PCDHGB7: variants seen among roughly 807,000 people sequenced by gnomAD.
PCDHGB7 encodes the protein protocadherin gamma-B7.
PCDHGB7 carries 37 observed loss-of-function variants against 61.4 expected under a neutral mutation model. That is an observed-to-expected ratio of 0.60 (90% CI 0.46 to 0.79). The LOEUF is 0.79. Among genes scored for constraint, PCDHGB7 ranks in the 30% least tolerant of loss-of-function variants. PCDHGB7 has a pLI of 0.00. For synonymous variants in PCDHGB7, 464 were observed against 503.5 expected (o/e 0.92, Z 1.05); for missense variants, 1,166 against 1,202.5 (o/e 0.97, Z 0.45).
rs142590218 is a variant in PCDHGB7, at chr5:141,489,982, C to T, written c.2416-4825C>T. On this transcript the variant is annotated intron_variant, in intron 1 of 3. Coordinates refer to ENST00000398594, the MANE Select transcript of PCDHGB7 (RefSeq NM_018927.4). This position sits in a 1 kb window ranked among gnomAD's most constrained non-coding sequence, Gnocchi z 4.5. ...TCCAACCTTCCAATCCTCAGTTCTA[C>T]GTGTGGGAATCCCAGAGAATGCACC... The T allele has an allele frequency of 2.9e-5, 47 of 1,614,010 alleles. No individual in the cohort carries two copies. The highest frequency in any genetic ancestry group is 3.7e-5 in the Non-Finnish European group (44 of 1,179,964).
intron 2 of PCDHGB7, among the ~76,000 whole-genome samples, chr5:141,496,631 G>A (rs1434126210): frequency 6.6e-6 from 1 of 152,164 alleles, no homozygotes; most frequent in Admixed American, 6.5e-5. Context: ...CAAAAGGCTT[G>A]GGCTGCCCTT....
intron 1 of PCDHGB7, among the ~76,000 whole-genome samples, chr5:141,474,082 CA>C (rs1449032579): frequency 1.3e-5 from 2 of 151,946 alleles, no homozygotes; most frequent in Non-Finnish European, 2.9e-5. Flanking sequence ...AAACAAAAAC[CA>C]AAAAACAAAC....
At chr5:141,481,356 T>A (rs1214829594) in intron 1 of PCDHGB7, among the ~76,000 whole-genome samples, 1 of 152,260 alleles carries the variant, frequency 6.6e-6, no homozygotes, top group East Asian at 1.9e-4. Context: ...CATCTACAGC[T>A]GTTCAATAGA....
In PCDHGB7 at chr5:141,427,967, G is replaced by A. The variant is rs535332244; in HGVS notation, c.2415+7693G>A. On this transcript the variant is annotated intron_variant, in intron 1 of 3. Coordinates refer to ENST00000398594, the MANE Select transcript of PCDHGB7 (RefSeq NM_018927.4). The stretch of plus-strand genomic sequence containing the variant: ...TCAATGACAATGTGCCGCGGGTGCT[G>A]TACCCCGCGCTGGGGCCCGATGGCT... 10 of 1,591,190 alleles carry A rather than the reference G, an allele frequency of 6.3e-6. No individual in the cohort carries two copies. In the East Asian group the frequency reaches 8.9e-5, roughly 14 times the overall value.
At chr5:141,507,558 G>A (rs573728108) in intron 3 of PCDHGB7, among the ~76,000 whole-genome samples, 57 of 152,346 alleles carry the variant, frequency 3.7e-4, no homozygotes, top group African/African-American at 1.3e-3. Context: ...AGTGGCAGGC[G>A]GCTGGGTCTG....
At position 141,489,380 on chromosome 5, in the gene PCDHGB7, A is replaced by G. The variant is rs753226956; in HGVS notation, c.2416-5427A>G. ...TCTGAGCCGGGGACGCTGGTGGGGA[A>G]TGTTGCTCAGGATCTGGGCTTAAAG... is the stretch of plus-strand genomic sequence containing the variant. On this transcript the variant is annotated intron_variant, in intron 1 of 3. Transcript: ENST00000398594. The surrounding 1 kb of genome is among the most constrained non-coding windows in gnomAD (Gnocchi z 4.5). The G allele has an allele frequency of 1.9e-6, 3 of 1,613,874 alleles. No individual in the cohort carries two copies. Among genetic ancestry groups the G allele is most frequent in the Admixed American group, 1.7e-5 (1 of 60,026 alleles).
rs146372628 is a variant in PCDHGB7, at chr5:141,476,246, G to A, written c.2416-18561G>A. On this transcript the variant is annotated intron_variant, in intron 1 of 3. Coordinates refer to ENST00000398594, the MANE Select transcript of PCDHGB7 (RefSeq NM_018927.4). The surrounding 1 kb of genome is among the most constrained non-coding windows in gnomAD (Gnocchi z 7.6). ...TGAGATCCCGGAGGAAAGAGAGAAG[G>A]GTTTCGCTGTGGGCAACGTGGTCGC... 1.0e-3 allele frequency: 1,689 copies of A among 1,613,996 alleles called. 1 individual carries two copies. Among genetic ancestry groups the A allele is most frequent in the Non-Finnish European group, 1.3e-3 (1,557 of 1,180,008 alleles).
chr5:141,433,305 C>T, intron 1 of PCDHGB7: 1 of 931,032 alleles, frequency 1.1e-6, no homozygotes, highest in Non-Finnish European at 1.6e-6. Flanking sequence ...GCAATTATCC[C>T]ACCTTTGCCT....
Position 141,432,732 on chromosome 5 carries a change from T to G in PCDHGB7, c.2415+12458T>G, listed in dbSNP as rs1300743675. 2.5e-6 allele frequency: 4 copies of G among 1,613,940 alleles called. No individual in the cohort carries two copies. Among genetic ancestry groups the G allele is most frequent in the Non-Finnish European group, 3.4e-6 (4 of 1,179,992 alleles). On this transcript the variant is annotated intron_variant, in intron 1 of 3. Coordinates refer to ENST00000398594, the MANE Select transcript of PCDHGB7 (RefSeq NM_018927.4). This position sits in a 1 kb window ranked among gnomAD's most constrained non-coding sequence, Gnocchi z 6.0. ...GGCCAGCCCCCTCTCTCCGCCACTG[T>G]CACGCTCACCGTGGCCGTGGCCGAC...
At position 141,487,710 on chromosome 5, in the gene PCDHGB7, G is replaced by A. The variant is rs199722860; in HGVS notation, c.2416-7097G>A. ...CTAGAGAGTACTGGCCTCTCAGTAA[G>A]TGCCCATAGTGATGTCACCATTTTT... On this transcript the variant is annotated intron_variant, in intron 1 of 3. Transcript: ENST00000398594. The surrounding 1 kb of genome is among the most constrained non-coding windows in gnomAD (Gnocchi z 5.0). 3.8e-4 allele frequency: 596 copies of A among 1,586,168 alleles called. No individual in the cohort carries two copies. The highest frequency in any genetic ancestry group is 4.5e-4 in the Non-Finnish European group (529 of 1,164,386).
chr5:141,473,655 G>A (rs2099326380), intron 1 of PCDHGB7, among the ~76,000 whole-genome samples: 1 of 152,182 alleles, frequency 6.6e-6, no homozygotes, highest in Non-Finnish European at 1.5e-5. Context: ...AACAATTTGT[G>A]TGAAGGCCCT....
intron 1 of PCDHGB7, among the ~76,000 whole-genome samples, chr5:141,446,891 C>T (rs1457416718): frequency 6.6e-6 from 1 of 152,152 alleles, no homozygotes; most frequent in South Asian, 2.1e-4. Context: ...GGGTTCATGG[C>T]TGAGCTACTT....
At position 141,432,782 on chromosome 5, in the gene PCDHGB7, C is replaced by G. The variant is rs547164205; in HGVS notation, c.2415+12508C>G. On this transcript the variant is annotated intron_variant, in intron 1 of 3. Transcript: ENST00000398594. The surrounding 1 kb of genome is among the most constrained non-coding windows in gnomAD (Gnocchi z 6.0). ...CAGCATCCCCCAAGTCCTGGCGGACCTCGGCAGCCTCGAGTCTCCAGCTAA... is the reference window on the plus strand; with the variant it reads ...CAGCATCCCCCAAGTCCTGGCGGACGTCGGCAGCCTCGAGTCTCCAGCTAA... 4.3e-6 allele frequency: 7 copies of G among 1,614,046 alleles called. No individual in the cohort carries two copies. The highest frequency in any genetic ancestry group is 3.3e-4 in the Middle Eastern group (2 of 6,084).
chr5:141,420,357 CT>C, intron 1 of PCDHGB7, 83 bp downstream of exon 1: 1 of 1,376,278 alleles, frequency 7.3e-7, no homozygotes, highest in Non-Finnish European at 9.6e-7. Context: ...TTTTAAGATT[CT>C]AGATAACTTC....
At chr5:141,484,958 G>T in intron 1 of PCDHGB7, 1 of 575,874 alleles carries the variant, frequency 1.7e-6, no homozygotes. Flanking sequence ...TATTGGCTGA[G>T]CCCGGGAGCC....
intron 1 of PCDHGB7, among the ~76,000 whole-genome samples, chr5:141,481,400 T>C (rs2154578591): frequency 6.6e-6 from 1 of 152,358 alleles, no homozygotes; most frequent in East Asian, 1.9e-4. Context: ...GTGACAAAAT[T>C]CTTGTATAAT....
chr5:141,427,787 C>T, intron 1 of PCDHGB7: 1 of 1,478,068 alleles, frequency 6.8e-7, no homozygotes, highest in Non-Finnish European at 9.4e-7. Flanking sequence ...CACTGTCGTC[C>T]TACGTGTCCG....
chr5:141,503,773 C>A (rs961986223), intron 2 of PCDHGB7, among the ~76,000 whole-genome samples: 1 of 152,204 alleles, frequency 6.6e-6, no homozygotes. Context: ...TGTGTCTGTT[C>A]TTAGGCTGAG....
chr5:141,432,632 G>A lies in PCDHGB7; in HGVS notation c.2415+12358G>A. 3.7e-6 allele frequency: 6 copies of A among 1,612,834 alleles called. No individual in the cohort carries two copies. The highest frequency in any genetic ancestry group is 5.1e-6 in the Non-Finnish European group (6 of 1,179,706). On this transcript the variant is annotated intron_variant, in intron 1 of 3. Coordinates refer to ENST00000398594, the MANE Select transcript of PCDHGB7 (RefSeq NM_018927.4). The surrounding 1 kb of genome is among the most constrained non-coding windows in gnomAD (Gnocchi z 6.0). ...CTTCTCGGTGGGTCTGCACACGGGC[G>A]AGGTGCGCACGGCGCGAGCCCTGCT...
Sources: gnomAD v4.1 joint callset for allele counts (sites outside exome capture counted in the v4.1 genomes callset) on GRCh38, gnomAD v4.1.1 for gene constraint, Gnocchi (gnomAD v3.1) non-coding constraint, MANE v1.5 for transcripts, NCBI Gene and HGNC (gene_info 2026-07-23, HGNC 2026-07-21) for gene names.